The following CNR2 variants were observed in gnomAD, a reference collection of about 807,000 sequenced individuals.
CNR2 encodes cannabinoid receptor 2 (macrophage).
For synonymous variants in CNR2, 172 were observed against 182.2 expected, an observed-to-expected ratio of 0.94 and a Z score of 0.45; for missense variants, 379 against 439.9, an observed-to-expected ratio of 0.86 and a Z score of 1.24.
rs1336985617 is a variant in CNR2 at position 23,894,739 on chromosome 1, C to A, written c.-46+18507G>T. On this transcript the variant is annotated intron_variant, in intron 1 of 1. Transcript: ENST00000374472. ...CACGATCCTGCCACTGCACTCCACC[C>A]TGGGCAACAGAGTGAAATTTTGTCT... Among the ~76,000 whole-genome samples, 3 of 146,520 alleles carry A rather than the reference C, an allele frequency of 2.0e-5. No individual in the cohort carries two copies. The East Asian group carries it at 6.0e-4, about 29-fold the overall frequency.
chr1:23,888,758 G>A (rs547979471), intron 1 of CNR2, among the ~76,000 whole-genome samples: 8 of 152,196 alleles, frequency 5.3e-5, no homozygotes, highest in African/African-American at 1.9e-4. Flanking sequence ...ATCACTTGAG[G>A]TCAGGAGTTT....
chr1:23,875,100 G>A lies in CNR2; in HGVS notation c.518C>T (p.Thr173Ile). ...LVSYLPLMGW[T>I]CCPRPCSELF... ...CTCAGAGCAGGGCCTGGGACAGCAA[G>A]TCCATCCCATGAGGGGCAGGTAGGA... Residue 173 changes from threonine (T) to isoleucine (I), a missense_variant, in exon 2 of 2, where the codon ACT (threonine) becomes ATT (isoleucine). Thr to Ile is a moderately conservative substitution (Grantham distance 89). Transcript: ENST00000374472. 1 of 1,601,396 alleles carries A rather than the reference G, an allele frequency of 6.2e-7. No individual in the cohort carries two copies. The highest frequency in any genetic ancestry group is 8.5e-7 in the Non-Finnish European group (1 of 1,173,130).
At chr1:23,888,696 C>G (rs1050258042) in intron 1 of CNR2, among the ~76,000 whole-genome samples, 1 of 152,092 alleles carries the variant, frequency 6.6e-6, no homozygotes, top group Non-Finnish European at 1.5e-5. Context: ...AAAGGCCAGG[C>G]GCGGTGGCTC....
intron 1 of CNR2, among the ~76,000 whole-genome samples, chr1:23,896,320 A>C (rs1437078961): frequency 6.6e-6 from 1 of 152,200 alleles, no homozygotes; most frequent in African/African-American, 2.4e-5. Context: ...TTTTGTTCTC[A>C]AGTAAAGACA....
chr1:23,872,140 A>AAAAAAAC lies in CNR2; in HGVS notation c.*2394_*2395insGTTTTTT. ...AGAATGAGATTCCGTCTCAAAAAAAAAAAAAAAAAAAAAAAAGACACCAAG... is the reference window on the plus strand; with the variant it reads ...AGAATGAGATTCCGTCTCAAAAAAAAAAAAAACAAAAAAAAAAAAAAAAGACACCAAG... On this transcript the variant is annotated 3_prime_UTR_variant, in exon 2 of 2. Coordinates refer to ENST00000374472, the MANE Select transcript of CNR2 (RefSeq NM_001841.3). 6.9e-6 allele frequency: 1 copy of AAAAAAAC among 144,904 alleles called. No individual in the cohort carries two copies. Among genetic ancestry groups the AAAAAAAC allele is most frequent in the African/African-American group, 2.7e-5 (1 of 36,408 alleles). 9.0% of individuals were successfully genotyped at this position (144,904 alleles called of 1,614,324 possible).
At chr1:23,884,780 CT>C (rs1399778801) in intron 1 of CNR2, among the ~76,000 whole-genome samples, 1 of 150,806 alleles carries the variant, frequency 6.6e-6, no homozygotes, top group Admixed American at 6.7e-5. Flanking sequence ...ACAATGCTTG[CT>C]GCATAGCAGG....
chr1:23,877,900 G>A (rs1639915485), intron 1 of CNR2, among the ~76,000 whole-genome samples: 1 of 151,810 alleles, frequency 6.6e-6, no homozygotes, highest in Admixed American at 6.6e-5. Context: ...TGCAAAGATT[G>A]CAGTGAGCTG....
intron 1 of CNR2, among the ~76,000 whole-genome samples, chr1:23,910,452 C>A (rs1286649880): frequency 1.3e-5 from 2 of 151,450 alleles, no homozygotes; most frequent in Non-Finnish European, 2.9e-5. Flanking sequence ...ATCGGGAGCT[C>A]GAGACCAGCC....
chr1:23,884,876 C>T (rs915382384), intron 1 of CNR2, among the ~76,000 whole-genome samples: 3 of 151,958 alleles, frequency 2.0e-5, no homozygotes, highest in African/African-American at 7.3e-5. Context: ...TCTCAACTCA[C>T]TGCAACCTCC....
chr1:23,883,345 C>T (rs989540368), intron 1 of CNR2, among the ~76,000 whole-genome samples: 2 of 152,204 alleles, frequency 1.3e-5, no homozygotes, highest in Admixed American at 1.3e-4. Flanking sequence ...CCCGGGAATA[C>T]GTTCTGGAGG....
In CNR2 at chr1:23,872,132, C is replaced by CAAAAAAAAAAAAAAAAAA. The variant is rs60331310; in HGVS notation, c.*2385_*2402dup. On this transcript the variant is annotated 3_prime_UTR_variant, in exon 2 of 2. Coordinates refer to ENST00000374472, the MANE Select transcript of CNR2 (RefSeq NM_001841.3). The stretch of plus-strand genomic sequence containing the variant: ...TGGACAACAGAATGAGATTCCGTCT[C>CAAAAAAAAAAAAAAAAAA]AAAAAAAAAAAAAAAAAAAAAAAAG... 4.3e-5 allele frequency: 2 copies of CAAAAAAAAAAAAAAAAAA among 46,414 alleles called. No individual in the cohort carries two copies. Among genetic ancestry groups the CAAAAAAAAAAAAAAAAAA allele is most frequent in the African/African-American group, 1.6e-4 (2 of 12,312 alleles). The allele number at this position is 46,414 out of a possible 1,614,324, so 2.9% of individuals were successfully genotyped here.
intron 1 of CNR2, among the ~76,000 whole-genome samples, chr1:23,879,566 T>C (rs573378122): frequency 6.6e-6 from 1 of 152,310 alleles, no homozygotes; most frequent in African/African-American, 2.4e-5. Flanking sequence ...TGATCTATGA[T>C]TGTGCCACCA....
In CNR2 at chr1:23,872,164, A is replaced by G. The variant is rs1639775516; in HGVS notation, c.*2371T>C. The G allele has an allele frequency of 6.9e-6, 1 of 144,932 alleles. No individual in the cohort carries two copies. The allele number at this position is 144,932 out of a possible 1,614,324, so 9.0% of individuals were successfully genotyped here. ...AAAAAAAAAAAAAAAAAAGACACCA[A>G]GAGACACAGAGGAAATGCCATATGA... is the stretch of plus-strand genomic sequence containing the variant. On this transcript the variant is annotated 3_prime_UTR_variant, in exon 2 of 2. Coordinates refer to ENST00000374472, the MANE Select transcript of CNR2 (RefSeq NM_001841.3).
rs533538792 is a variant in CNR2 at position 23,873,499 on chromosome 1, G to C, written c.*1036C>G. ...GATCCACCTGCCTTGGCCTCCCAAAGTGCTGGGATTACAGGCATGAGCTAC... is the reference window on the plus strand; with the variant it reads ...GATCCACCTGCCTTGGCCTCCCAAACTGCTGGGATTACAGGCATGAGCTAC... On this transcript the variant is annotated 3_prime_UTR_variant, in exon 2 of 2. Coordinates refer to ENST00000374472, the MANE Select transcript of CNR2 (RefSeq NM_001841.3). 6.6e-6 allele frequency: 1 copy of C among 152,244 alleles called. No individual in the cohort carries two copies. The highest frequency in any genetic ancestry group is 1.5e-5 in the Non-Finnish European group (1 of 68,112). The allele number at this position is 152,244 out of a possible 1,614,324, so 9.4% of individuals were successfully genotyped here.
At chr1:23,887,096 G>A (rs1352250441) in intron 1 of CNR2, among the ~76,000 whole-genome samples, 2 of 152,184 alleles carry the variant, frequency 1.3e-5, no homozygotes, top group Non-Finnish European at 2.9e-5. Context: ...AATTGAGACA[G>A]GGTTTTGCCA....
chr1:23,891,853 T>C (rs1395881439), intron 1 of CNR2, among the ~76,000 whole-genome samples: 1 of 152,078 alleles, frequency 6.6e-6, no homozygotes, highest in Non-Finnish European at 1.5e-5. Context: ...TGTATCTCAC[T>C]TGCTCAAAAA....
Position 23,904,205 on chromosome 1 carries a change from C to T in CNR2, c.-46+9041G>A, listed in dbSNP as rs184139323. 3.3e-3 allele frequency among the ~76,000 whole-genome samples: 488 copies of T among 148,138 alleles called. 2 individuals are homozygous for T. The highest frequency in any genetic ancestry group is 0.017 in the Middle Eastern group (5 of 290). ...TTTTTTTTTTTTTTTTGGAGTCTCG[C>T]TCTGTCACCCAGGCTGGAGTGCAGT... On this transcript the variant is annotated intron_variant, in intron 1 of 1. Transcript: ENST00000374472.
chr1:23,874,714 G>T lies in CNR2; in HGVS notation c.904C>A (p.Arg302=), dbSNP rs760083242. Reference sequence around the variant, plus strand: ...GCAGAGGAGCGGATCTCTCCACTCCGTAGAGCATAGATGACAGGGTTGACC... The same window carrying T: ...GCAGAGGAGCGGATCTCTCCACTCCTTAGAGCATAGATGACAGGGTTGACC... ...SMVNPVIYAL[R]SGEIRSSAHH... Residue 302 remains arginine, a synonymous_variant, in exon 2 of 2, where the codon CGG becomes AGG. Coordinates refer to ENST00000374472, the MANE Select transcript of CNR2 (RefSeq NM_001841.3). 2 of 1,614,138 alleles carry T rather than the reference G, an allele frequency of 1.2e-6. No individual in the cohort carries two copies. The highest frequency in any genetic ancestry group is 1.1e-5 in the South Asian group (1 of 91,078).
intron 1 of CNR2, chr1:23,901,684 C>G: frequency 1.4e-6 from 2 of 1,456,456 alleles, no homozygotes; most frequent in Non-Finnish European, 1.9e-6. Flanking sequence ...CAAACCAGAC[C>G]GGGAAGGTGT....
Sources: allele counts gnomAD v4.1 joint callset (sites outside exome capture counted in the v4.1 genomes callset), GRCh38; gene constraint gnomAD v4.1.1; transcripts MANE v1.5; gene names NCBI Gene and HGNC (gene_info 2026-07-23, HGNC 2026-07-21).